The following ATF3 variants were observed in gnomAD, a reference collection of about 807,000 sequenced individuals.
ATF3 encodes the protein activating transcription factor 3.
ATF3 carries 10 observed loss-of-function variants against 18.4 expected under a neutral mutation model. That is an observed-to-expected ratio of 0.54 (90% CI 0.34 to 0.92). The LOEUF (loss-of-function observed/expected upper bound fraction) is 0.92, where lower values mean the gene tolerates loss of function less well. Ranked by LOEUF, ATF3 falls within the 40% of genes least tolerant of loss-of-function variation. The pLI, the probability that ATF3 is intolerant of heterozygous loss-of-function variation, is 0.02. For synonymous variants in ATF3, 78 were observed against 87.9 expected (o/e 0.89, Z 0.63); for missense variants, 183 against 222.3 (o/e 0.82, Z 1.12).
chr1:212,574,775 A>G (rs772220359), intron 1 of ATF3, among the ~76,000 whole-genome samples: 4 of 152,070 alleles, frequency 2.6e-5, no homozygotes, highest in Non-Finnish European at 4.4e-5. Context: ...TTGCTTTGTG[A>G]GGCTATTTCA....
chr1:212,602,574 G>A (rs1654512392), intron 1 of ATF3, among the ~76,000 whole-genome samples: 1 of 152,164 alleles, frequency 6.6e-6, no homozygotes, highest in African/African-American at 2.4e-5. Flanking sequence ...CCTGGGTTGA[G>A]TCCTGCTCTA....
intron 1 of ATF3, among the ~76,000 whole-genome samples, chr1:212,567,113 C>T (rs1193926745): frequency 1.3e-5 from 2 of 152,140 alleles, no homozygotes; most frequent in African/African-American, 4.8e-5. Flanking sequence ...TATAATTTCT[C>T]TTCCCGCCCA....
chr1:212,604,721 C>T (rs1208633107), upstream of ATF3, among the ~76,000 whole-genome samples: 1 of 152,132 alleles, frequency 6.6e-6, no homozygotes, highest in Non-Finnish European at 1.5e-5. Flanking sequence ...AGAGGGTCCC[C>T]ATTCAGGACC....
At chr1:212,579,419 T>C (rs1558226316) in intron 1 of ATF3, among the ~76,000 whole-genome samples, 1 of 152,222 alleles carries the variant, frequency 6.6e-6, no homozygotes, top group East Asian at 1.9e-4. Context: ...TATATTTTTT[T>C]ATTACCAGCA....
chr1:212,589,585 G>T (rs771779920), intron 1 of ATF3, among the ~76,000 whole-genome samples: 2 of 152,014 alleles, frequency 1.3e-5, no homozygotes, highest in Admixed American at 6.6e-5. Flanking sequence ...GGGAGGCTGA[G>T]GCAGGAGAAT....
intron 2 of ATF3, among the ~76,000 whole-genome samples, chr1:212,617,611 C>T (rs971042866): frequency 6.6e-6 from 1 of 152,114 alleles, no homozygotes; most frequent in African/African-American, 2.4e-5. Context: ...ATGGGCTTCT[C>T]CCAAATTTGG....
Position 212,618,356 on chromosome 1 carries a change from G to A in ATF3, c.348+122G>A. 1 of 981,286 alleles carries A rather than the reference G, an allele frequency of 1.0e-6. No homozygotes were observed. Among genetic ancestry groups the A allele is most frequent in the Admixed American group, 1.7e-5 (1 of 57,394 alleles). The allele number at this position is 981,286 out of a possible 1,614,324, so 60.8% of individuals were successfully genotyped here. ...GTTATAGTTTCCCAAGAAGGGCCTT[G>A]TAGCTGGTAGCAGAAATGCCAGTTG... On this transcript the variant is annotated intron_variant, in intron 3 of 3. Coordinates refer to ENST00000341491, the MANE Select transcript of ATF3 (RefSeq NM_001674.4). The surrounding 1 kb of genome is among the most constrained non-coding windows in gnomAD (Gnocchi z 4.4).
At chr1:212,569,893 T>C (rs918825688) in intron 1 of ATF3, among the ~76,000 whole-genome samples, 4 of 152,298 alleles carry the variant, frequency 2.6e-5, no homozygotes, top group Non-Finnish European at 4.4e-5. Flanking sequence ...TCAACATATT[T>C]CTCAAAAATA....
At chr1:212,614,353 C>T (rs577979666) in intron 1 of ATF3, among the ~76,000 whole-genome samples, 6 of 152,180 alleles carry the variant, frequency 3.9e-5, no homozygotes, top group Non-Finnish European at 8.8e-5. Flanking sequence ...AATCCACCTC[C>T]CCATCCCCTG....
intron 1 of ATF3, among the ~76,000 whole-genome samples, chr1:212,584,659 A>C (rs1664746449): frequency 1.3e-5 from 2 of 152,220 alleles, no homozygotes. Flanking sequence ...AAATGCCCTC[A>C]CAGAAACACC....
At chr1:212,572,543 A>G (rs1664504380) in intron 1 of ATF3, among the ~76,000 whole-genome samples, 3 of 152,198 alleles carry the variant, frequency 2.0e-5, no homozygotes, top group Admixed American at 2.0e-4. Flanking sequence ...AACAAAAAAC[A>G]TTTTATTTGC....
chr1:212,587,883 G>A (rs1350055137), intron 1 of ATF3, among the ~76,000 whole-genome samples: 1 of 151,642 alleles, frequency 6.6e-6, no homozygotes, highest in Non-Finnish European at 1.5e-5. Flanking sequence ...GAAATGGGGA[G>A]TGTGGGATAC....
chr1:212,596,533 T>C (rs1664998048), intron 1 of ATF3, among the ~76,000 whole-genome samples: 1 of 152,180 alleles, frequency 6.6e-6, no homozygotes, highest in Non-Finnish European at 1.5e-5. Context: ...GGAACATTCG[T>C]TTCATTTTCA....
At chr1:212,611,873 C>A (rs1654908390) in intron 1 of ATF3, among the ~76,000 whole-genome samples, 1 of 152,166 alleles carries the variant, frequency 6.6e-6, no homozygotes, top group African/African-American at 2.4e-5. Flanking sequence ...AATGCAAGTT[C>A]TTGGTAGCAA....
intron 1 of ATF3, among the ~76,000 whole-genome samples, chr1:212,601,342 A>G (rs1654480274): frequency 6.6e-6 from 1 of 152,222 alleles, no homozygotes; most frequent in East Asian, 1.9e-4. Context: ...CTGGGACATC[A>G]GGAGTAAGAA....
rs145624086 is a variant in ATF3, at chr1:212,602,921, T to C, written c.-4-12097T>C. On this transcript the variant is annotated intron_variant, in intron 1 of 3. Coordinates refer to the ATF3 transcript ENST00000366981. ...CATTCAAATTCCACATATCTATATA[T>C]GTTTAATACAACACAATATTTTAAG... Among the ~76,000 whole-genome samples the C allele has an allele frequency of 1.3e-3, 196 of 152,362 alleles. 1 individual carries two copies. The highest frequency in any genetic ancestry group is 4.4e-3 in the African/African-American group (182 of 41,592).
chr1:212,576,935 G>T (rs1394027780), intron 1 of ATF3, among the ~76,000 whole-genome samples: 1 of 151,124 alleles, frequency 6.6e-6, no homozygotes, highest in Non-Finnish European at 1.5e-5. Flanking sequence ...GTTTCACCAC[G>T]TTGGCCAGGA....
chr1:212,579,014 T>C (rs1664632185), intron 1 of ATF3, among the ~76,000 whole-genome samples: 1 of 146,444 alleles, frequency 6.8e-6, no homozygotes, highest in Admixed American at 6.8e-5. Flanking sequence ...GACTTTTTTT[T>C]TTTTTTTTTT....
intron 1 of ATF3, among the ~76,000 whole-genome samples, chr1:212,593,060 C>A (rs1664919663): frequency 6.6e-6 from 1 of 151,038 alleles, no homozygotes; most frequent in Non-Finnish European, 1.5e-5. Flanking sequence ...CAGTGATAGA[C>A]TGGATTAAGA....
Sources: gnomAD v4.1 joint callset for allele counts (sites outside exome capture counted in the v4.1 genomes callset) on GRCh38, gnomAD v4.1.1 for gene constraint, Gnocchi (gnomAD v3.1) non-coding constraint, MANE v1.5 for transcripts, NCBI Gene and HGNC (gene_info 2026-07-23, HGNC 2026-07-21) for gene names.